CEP350: variants seen among roughly 807,000 people sequenced by gnomAD.
CEP350 encodes centrosomal protein 350.
Under a neutral mutation model 331.8 loss-of-function variants are expected in CEP350, and 126 were observed. That is an observed-to-expected ratio of 0.38 (90% CI 0.33 to 0.44). The LOEUF is 0.44. Ranked by LOEUF, CEP350 falls within the 20% of genes least tolerant of loss-of-function variation. The pLI, the probability that CEP350 is intolerant of heterozygous loss-of-function variation, is 1.00. For synonymous variants in CEP350, 1,200 were observed against 1,259.5 expected (o/e 0.95, Z 1.00); for missense variants, 3,406 against 3,634.6 (o/e 0.94, Z 1.62).
At chr1:180,049,422 A>G (rs1159875617) in intron 22 of CEP350, among the ~76,000 whole-genome samples, 2 of 152,224 alleles carry the variant, frequency 1.3e-5, no homozygotes, top group Non-Finnish European at 2.9e-5. Context: ...TCTTTAAACA[A>G]TATTGAATTA....
At chr1:180,050,737 A>G (rs901071769) in intron 22 of CEP350, among the ~76,000 whole-genome samples, 1 of 151,970 alleles carries the variant, frequency 6.6e-6, no homozygotes, top group East Asian at 1.9e-4. Flanking sequence ...TTACAAATGT[A>G]CGGAAGATCT....
At chr1:179,986,288 C>A in intron 2 of CEP350, 34 bp downstream of exon 2, 1 of 1,445,932 alleles carries the variant, frequency 6.9e-7, no homozygotes, top group Non-Finnish European at 9.5e-7. Flanking sequence ...GAACTTAATA[C>A]CTCATTTAGG....
At chr1:180,039,762 G>T (rs915133630) in intron 17 of CEP350, among the ~76,000 whole-genome samples, 1 of 151,686 alleles carries the variant, frequency 6.6e-6, no homozygotes, top group Non-Finnish European at 1.5e-5. Context: ...GCATTTCCGT[G>T]TAACTTTTAG....
intron 22 of CEP350, among the ~76,000 whole-genome samples, chr1:180,049,471 A>T (rs1464803261): frequency 1.3e-5 from 2 of 152,188 alleles, no homozygotes; most frequent in Admixed American, 1.3e-4. Context: ...AAATACAAAA[A>T]CAAAAAAGTA....
chr1:180,095,873 T>G lies in CEP350; in HGVS notation c.8862T>G (p.Leu2954=). The G allele has an allele frequency of 6.2e-7, 1 of 1,613,158 alleles. No individual in the cohort carries two copies. The highest frequency in any genetic ancestry group is 8.5e-7 in the Non-Finnish European group (1 of 1,179,576). The change falls in exon 35 of 38, where the codon CTT becomes CTG. Residue 2954 remains leucine, a synonymous_variant. Transcript: ENST00000367607. ...GCATCAGTATTCCTACAAAACTGCTTGGCTGTGCCAGTAAAGGTCTAGATA... is the reference window on the plus strand; with the variant it reads ...GCATCAGTATTCCTACAAAACTGCTGGGCTGTGCCAGTAAAGGTCTAGATA... ...LHSISIPTKL[L]GCASKGLDIE...
chr1:180,014,477 C>T lies in CEP350; in HGVS notation c.2024C>T (p.Ser675Phe), dbSNP rs760457106. The change falls in exon 10 of 38, where the codon TCT becomes TTT. Residue 675 changes from serine to phenylalanine, a missense_variant. Around this residue, in one of 5 missense-constraint regions of CEP350, gnomAD observed 1,857 missense variants for 1,909.2 expected, o/e 0.97. Transcript: ENST00000367607. ...LLEKTLLEEPSHQHVTQETQA... is the reference protein window; with the variant it reads ...LLEKTLLEEPFHQHVTQETQA... ...GAAAAGACCTTGCTTGAAGAGCCAT[C>T]TCATCAACATGTTACGCAGGAAACA... 4.4e-6 allele frequency: 7 copies of T among 1,608,134 alleles called. No individual in the cohort carries two copies. The highest frequency in any genetic ancestry group is 5.9e-6 in the Non-Finnish European group (7 of 1,177,958).
rs1661595440 is a variant in CEP350, at chr1:180,114,672, G to A, written c.*3511G>A. 2 of 152,600 alleles carry A rather than the reference G, an allele frequency of 1.3e-5. No individual in the cohort carries two copies. Among genetic ancestry groups the A allele is most frequent in the South Asian group, 4.1e-4 (2 of 4,834 alleles). 9.5% of individuals were successfully genotyped at this position (152,600 alleles called of 1,614,324 possible). A position where few individuals can be genotyped will look rare whatever the true frequency, so the allele number is the denominator to read the frequency against. On this transcript the variant is annotated 3_prime_UTR_variant, in exon 38 of 38. Coordinates refer to ENST00000367607, the MANE Select transcript of CEP350 (RefSeq NM_014810.5). ...AAATAAACCCGTTTACTGTGTGCGT[G>A]TAAATAGCCTGGTCATCAGGCCATT...
intron 8 of CEP350, among the ~76,000 whole-genome samples, chr1:180,008,703 A>C (rs1654418663): frequency 6.6e-6 from 1 of 152,232 alleles, no homozygotes; most frequent in Non-Finnish European, 1.5e-5. Context: ...AGATGCATCT[A>C]GCCCCTGCCT....
At chr1:179,985,989 G>A (rs1041778761) in intron 1 of CEP350, among the ~76,000 whole-genome samples, 180 bp from the exon 2 acceptor site, 2 of 152,052 alleles carry the variant, frequency 1.3e-5, no homozygotes, top group South Asian at 2.1e-4. Flanking sequence ...CAGCACACAC[G>A]GGTTCTAGTT....
chr1:180,071,125 C>T (rs541057278), intron 27 of CEP350, among the ~76,000 whole-genome samples: 26 of 128,238 alleles, frequency 2.0e-4, no homozygotes, highest in South Asian at 5.0e-4. Context: ...TCTAGCCTGG[C>T]GACAGAGCAC....
intron 1 of CEP350, among the ~76,000 whole-genome samples, chr1:179,965,615 C>CTTTTTTTTTTTTTTTTTTTT (rs747027286): frequency 2.3e-4 from 19 of 84,378 alleles, no homozygotes; most frequent in Admixed American, 5.1e-4. Context: ...TTTTTCTTTT[C>CTTTTTTTTTTTTTTTTTTTT]TTTTTTTTTT....
At chr1:180,024,684 A>G in intron 14 of CEP350, 102 bp downstream of exon 14, 1 of 1,293,638 alleles carries the variant, frequency 7.7e-7, no homozygotes, top group South Asian at 1.8e-5. Flanking sequence ...AGAATTTCTT[A>G]TGGTAATGTA....
intron 17 of CEP350, 73 bp from the exon 18 acceptor site, chr1:180,041,065 A>G: frequency 1.9e-6 from 2 of 1,068,186 alleles, no homozygotes; most frequent in East Asian, 2.6e-5. Context: ...GTAAGATAGC[A>G]TTGTGTGTGT....
chr1:180,051,064 A>C (rs1258660979), intron 22 of CEP350, among the ~76,000 whole-genome samples: 1 of 152,248 alleles, frequency 6.6e-6, no homozygotes, highest in Non-Finnish European at 1.5e-5. Context: ...TTATGTCTAC[A>C]TAACAACCTA....
intron 37 of CEP350, among the ~76,000 whole-genome samples, chr1:180,108,929 T>C (rs1661316433): frequency 6.6e-6 from 1 of 152,124 alleles, no homozygotes; most frequent in South Asian, 2.1e-4. Flanking sequence ...CAAACAACCT[T>C]TCTAAAAGAG....
chr1:180,071,519 G>A (rs1235926365), intron 27 of CEP350, among the ~76,000 whole-genome samples: 2 of 151,420 alleles, frequency 1.3e-5, no homozygotes, highest in African/African-American at 2.4e-5. Context: ...GCTCAGGCCT[G>A]TAATCCCAGC....
chr1:179,969,399 C>G (rs1026347505), intron 1 of CEP350: 6 of 513,406 alleles, frequency 1.2e-5, no homozygotes, highest in African/African-American at 1.2e-4. Flanking sequence ...CGGGTGCCCT[C>G]TGTGCCTATT....
chr1:180,023,466 T>TG (rs1163641368), intron 13 of CEP350, among the ~76,000 whole-genome samples: 1 of 152,178 alleles, frequency 6.6e-6, no homozygotes, highest in Non-Finnish European at 1.5e-5. Flanking sequence ...GATAGATACA[T>TG]GACTCCATGG....
In CEP350 at chr1:180,012,014, G is replaced by A; in HGVS notation, c.1332G>A (p.Glu444=). The change falls in exon 9 of 38, where the codon GAG becomes GAA. Residue 444 remains glutamate, a synonymous_variant. Transcript: ENST00000367607. Reference sequence around the variant, plus strand: ...TTCTGGGACCTGCTCCCAGAATGGAGCCAAAAGAGCAAAGAACAGCATCAA... The same window carrying A: ...TTCTGGGACCTGCTCCCAGAATGGAACCAAAAGAGCAAAGAACAGCATCAA... ...KKILGPAPRM[E]PKEQRTASSD... is the part of the protein sequence containing the mutation. 6.3e-7 allele frequency: 1 copy of A among 1,584,386 alleles called. No individual in the cohort carries two copies. Among genetic ancestry groups the A allele is most frequent in the South Asian group, 1.2e-5 (1 of 86,938 alleles).
Sources: gnomAD v4.1 joint callset for allele counts (sites outside exome capture counted in the v4.1 genomes callset) on GRCh38, gnomAD v4.1.1 for gene constraint, gnomAD v4.1.1 regional missense constraint, MANE v1.5 for transcripts, NCBI Gene and HGNC (gene_info 2026-07-23, HGNC 2026-07-21) for gene names.